POR: variants seen among roughly 807,000 people sequenced by gnomAD.
POR encodes the protein cytochrome p450 oxidoreductase, also known as NADPH--cytochrome P450 reductase.
In POR, 56 loss-of-function variants were observed where a neutral mutation model predicts 84.0. The observed-to-expected ratio is 0.67, with a 90% confidence interval of 0.54 to 0.83. The LOEUF is 0.83. Ranked by LOEUF, POR falls within the 40% of genes least tolerant of loss-of-function variation. The pLI, the probability that POR is intolerant of heterozygous loss-of-function variation, is 0.00. For missense variants in POR, 938 were observed against 944.3 expected, an observed-to-expected ratio of 0.99 and a Z score of 0.09; for synonymous variants, 414 against 400.5, an observed-to-expected ratio of 1.03 and a Z score of -0.40.
intron 1 of POR, among the ~76,000 whole-genome samples, chr7:75,942,442 A>G (rs887285632): frequency 2.6e-5 from 4 of 152,088 alleles, no homozygotes; most frequent in Non-Finnish European, 4.4e-5. Flanking sequence ...TAATCATTGG[A>G]AGACAGCATT....
intron 1 of POR, among the ~76,000 whole-genome samples, chr7:75,925,194 G>T (rs1224280402): frequency 6.6e-6 from 1 of 152,066 alleles, no homozygotes; most frequent in Non-Finnish European, 1.5e-5. Flanking sequence ...ATTGGAAAAA[G>T]GAAGCTGACC....
Position 75,986,737 on chromosome 7 carries a change from C to G in POR, c.*256C>G. The G allele has an allele frequency of 1.7e-6, 1 of 590,910 alleles. No homozygotes were observed. The highest frequency in any genetic ancestry group is 3.0e-6 in the Non-Finnish European group (1 of 333,970). The allele number at this position is 590,910 out of a possible 1,614,324, so 36.6% of individuals were successfully genotyped here. On this transcript the variant is annotated 3_prime_UTR_variant, in exon 16 of 16. Transcript: ENST00000461988. ...TCTGGAGGCCTCTGGCCCTCGGTGG[C>G]TGCACAGAAGGGCTCTTTCTCTCTG... is the stretch of plus-strand genomic sequence containing the variant.
intron 1 of POR, among the ~76,000 whole-genome samples, chr7:75,927,079 A>T (rs537755931): frequency 6.6e-6 from 1 of 152,358 alleles, no homozygotes; most frequent in South Asian, 2.1e-4. Context: ...ATAGCTCTGG[A>T]GACAGTTGGT....
At chr7:75,948,862 G>A (rs188384993) in intron 1 of POR, among the ~76,000 whole-genome samples, 298 of 152,242 alleles carry the variant, frequency 2.0e-3, no homozygotes, top group African/African-American at 7.0e-3. Context: ...CAGTTGTGAG[G>A]GGTCAGAGGG....
intron 2 of POR, among the ~76,000 whole-genome samples, chr7:75,966,523 G>A (rs562058409): frequency 3.3e-5 from 5 of 152,270 alleles, no homozygotes; most frequent in East Asian, 1.9e-4. Context: ...TTCTCTCGCC[G>A]TGGGCACCCA....
In POR at chr7:75,970,728, G is replaced by A. The variant is rs376429447; in HGVS notation, c.189-1685G>A. Among the ~76,000 whole-genome samples, 215 of 148,818 alleles carry A rather than the reference G, an allele frequency of 1.4e-3. 8 individuals carry two copies. The South Asian group carries it at 0.039, about 27-fold the overall frequency. On this transcript the variant is annotated intron_variant, in intron 2 of 15. Transcript: ENST00000461988. ...CGTGCCACTGCACTCCAGCCTGGGC[G>A]ACAAAGCGAGACTCCATCTCAAAAA...
intron 1 of POR, among the ~76,000 whole-genome samples, chr7:75,917,974 G>A (rs1191996852): frequency 3.9e-5 from 6 of 152,064 alleles, no homozygotes; most frequent in Non-Finnish European, 8.8e-5. Flanking sequence ...GACCAGCCTG[G>A]GCAACACGGC....
At chr7:75,935,105 G>C (rs545372280) in intron 1 of POR, among the ~76,000 whole-genome samples, 2 of 152,118 alleles carry the variant, frequency 1.3e-5, no homozygotes, top group African/African-American at 4.8e-5. Flanking sequence ...GAGCAGCCTC[G>C]GATTGAACCC....
chr7:75,929,522 G>A (rs1807307929), intron 1 of POR, among the ~76,000 whole-genome samples: 1 of 152,138 alleles, frequency 6.6e-6, no homozygotes, highest in South Asian at 2.1e-4. Flanking sequence ...CCAAAGTGCT[G>A]GGATAACAGG....
At chr7:75,924,857 G>A (rs186836117) in intron 1 of POR, among the ~76,000 whole-genome samples, 12 of 152,328 alleles carry the variant, frequency 7.9e-5, no homozygotes, top group Admixed American at 6.5e-4. Flanking sequence ...CTGTGAGCAT[G>A]GTCATCCCGG....
chr7:75,980,331 T>C lies in POR; in HGVS notation c.367-8T>C. 4 of 1,611,126 alleles carry C rather than the reference T, an allele frequency of 2.5e-6. No individual in the cohort carries two copies. Among genetic ancestry groups the C allele is most frequent in the Non-Finnish European group, 3.4e-6 (4 of 1,178,386 alleles). The stretch of plus-strand genomic sequence containing the variant: ...GGCCGGGGCGCGGTCCTGTCCCTGT[T>C]TCTGCAGGCCGACCTGAGCAGCCTG... On this transcript the variant is annotated splice_polypyrimidine_tract_variant and splice_region_variant and intron_variant, in intron 4 of 15. Coordinates refer to ENST00000461988, the MANE Select transcript of POR (RefSeq NM_000941.3).
rs554753648 is a variant in POR, at chr7:75,983,273, A to G, written c.831-247A>G. ...GGAGAATTGCTTGAACCTGGGAGGCAGAGGTTGCAGTGAGCCGAGATCGCG... is the reference window on the plus strand; with the variant it reads ...GGAGAATTGCTTGAACCTGGGAGGCGGAGGTTGCAGTGAGCCGAGATCGCG... On this transcript the variant is annotated intron_variant, in intron 8 of 15. Coordinates refer to ENST00000461988, the MANE Select transcript of POR (RefSeq NM_000941.3). The G allele has an allele frequency of 1.1e-3, 473 of 423,384 alleles. 1 individual carries two copies. Among genetic ancestry groups the G allele is most frequent in the Admixed American group, 3.6e-3 (91 of 24,964 alleles). 26.2% of individuals were successfully genotyped at this position (423,384 alleles called of 1,614,324 possible).
intron 10 of POR, among the ~76,000 whole-genome samples, chr7:75,984,272 G>A (rs1022526795): frequency 2.6e-5 from 4 of 152,152 alleles, no homozygotes; most frequent in Admixed American, 2.0e-4. Flanking sequence ...CAGTGGTGCC[G>A]AGTGGCAGTA....
intron 1 of POR, among the ~76,000 whole-genome samples, chr7:75,919,382 C>CGCGTGTGTGTGT (rs1806740279): frequency 6.8e-6 from 1 of 146,432 alleles, no homozygotes; most frequent in African/African-American, 2.5e-5. Context: ...TCTGTGCGTG[C>CGCGTGTGTGTGT]GTGTGTGTGT....
chr7:75,984,910 G>A lies in POR; in HGVS notation c.1200G>A (p.Ser400=), dbSNP rs372401863. The change falls in exon 11 of 16, where the codon TCG becomes TCA. Residue 400 remains serine, a synonymous_variant. Coordinates refer to ENST00000461988, the MANE Select transcript of POR (RefSeq NM_000941.3). ...TGGCGCAGTACGCCTCGGAGCCCTC[G>A]GAGCAGGAGCTGCTGCGCAAGATGG... is the stretch of plus-strand genomic sequence containing the variant. The A allele has an allele frequency of 1.6e-4, 259 of 1,608,532 alleles. No homozygotes were observed. The Middle Eastern group carries it at 2.6e-3, about 16-fold the overall frequency.
rs150414675 is a variant in POR at position 75,984,814 on chromosome 7, G to A, written c.1104G>A (p.Thr368=). ...AGAAGCACCCATTCCCGTGCCCTAC[G>A]TCCTACCGCACGGCCCTCACCTACT... The change falls in exon 11 of 16, where the codon ACG becomes ACA. Residue 368 remains threonine (T), a synonymous_variant. Transcript: ENST00000461988. 3.1e-4 allele frequency: 499 copies of A among 1,612,612 alleles called. No individual in the cohort carries two copies. Among genetic ancestry groups the A allele is most frequent in the Admixed American group, 6.2e-4 (37 of 60,008 alleles).
intron 1 of POR, among the ~76,000 whole-genome samples, chr7:75,942,401 G>C (rs150629456): frequency 6.6e-6 from 1 of 152,244 alleles, no homozygotes; most frequent in African/African-American, 2.4e-5. Context: ...AGTTATATTG[G>C]TCAGGGAGCA....
chr7:75,953,304 C>A (rs147159652), intron 1 of POR, among the ~76,000 whole-genome samples: 1 of 102,708 alleles, frequency 9.7e-6, no homozygotes, highest in Non-Finnish European at 1.8e-5. Flanking sequence ...CAGAGGGAGA[C>A]CGTGGAAAGA....
rs782268009 is a variant in POR at position 75,968,153 on chromosome 7, C to T, written c.189-4260C>T. On this transcript the variant is annotated intron_variant, in intron 2 of 15. Transcript: ENST00000461988. ...GGTCAGTTCCTGACACTGTCCCTGGCGGCAGACTGCCCTCATGCCCCTTGG... is the reference window on the plus strand; with the variant it reads ...GGTCAGTTCCTGACACTGTCCCTGGTGGCAGACTGCCCTCATGCCCCTTGG... The T allele has an allele frequency of 2.1e-3, 940 of 458,176 alleles. 24 individuals are homozygous for T. The highest frequency in any genetic ancestry group is 3.5e-4 in the Non-Finnish European group (79 of 226,972). The allele number at this position is 458,176 out of a possible 1,614,324, so 28.4% of individuals were successfully genotyped here.
Sources: allele counts gnomAD v4.1 joint callset (sites outside exome capture counted in the v4.1 genomes callset), GRCh38; gene constraint gnomAD v4.1.1; transcripts MANE v1.5; gene names NCBI Gene and HGNC (gene_info 2026-07-23, HGNC 2026-07-21).